Variants in SLCO3A1 observed in about 807,000 individuals in gnomAD.
SLCO3A1 encodes solute carrier organic anion transporter family member 3A1, also known as PGE1 transporter.
Under a neutral mutation model 63.1 loss-of-function variants are expected in SLCO3A1, and 27 were observed. That is an observed-to-expected ratio of 0.43 (90% CI 0.32 to 0.59). The LOEUF is 0.59. Among genes scored for constraint, SLCO3A1 ranks in the 20% least tolerant of loss-of-function variants. SLCO3A1 has a pLI of 0.09. For missense variants in SLCO3A1, 773 were observed against 945.8 expected (o/e 0.82, Z 2.40); for synonymous variants, 473 against 409.9 (o/e 1.15, Z -1.86).
intron 2 of SLCO3A1, among the ~76,000 whole-genome samples, chr15:91,929,463 G>A (rs1357456387): frequency 6.6e-6 from 1 of 152,178 alleles, no homozygotes; most frequent in African/African-American, 2.4e-5. Flanking sequence ...TGGAGCATTG[G>A]TGCAAAGTTG....
At chr15:92,144,218 G>A (rs1268063380) in intron 7 of SLCO3A1, among the ~76,000 whole-genome samples, 1 of 152,216 alleles carries the variant, frequency 6.6e-6, no homozygotes, top group Non-Finnish European at 1.5e-5. Flanking sequence ...AGATTAACAG[G>A]AGGAAAACAA....
At chr15:91,925,474 TG>T (rs1372811921) in intron 2 of SLCO3A1, among the ~76,000 whole-genome samples, 3 of 149,054 alleles carry the variant, frequency 2.0e-5, no homozygotes, top group African/African-American at 7.4e-5. Flanking sequence ...TCCAGTACCT[TG>T]TTTTTTTTTT....
At chr15:91,963,705 G>A (rs189885936) in intron 2 of SLCO3A1, among the ~76,000 whole-genome samples, 17 of 152,150 alleles carry the variant, frequency 1.1e-4, no homozygotes, top group African/African-American at 4.1e-4. Context: ...TGTGTCAGGA[G>A]TTTCTTCCTT....
rs568398230 is a variant in SLCO3A1, at chr15:91,862,558, T to C, written c.180+8470T>C. Among the ~76,000 whole-genome samples, 17 of 152,338 alleles carry C rather than the reference T, an allele frequency of 1.1e-4. No individual in the cohort carries two copies. Among genetic ancestry groups the C allele is most frequent in the African/African-American group, 4.1e-4 (17 of 41,592 alleles). On this transcript the variant is annotated intron_variant, in intron 1 of 9. Transcript: ENST00000318445. The surrounding 1 kb of genome is among the most constrained non-coding windows in gnomAD (Gnocchi z 4.0). Reference sequence around the variant, plus strand: ...GGACAACTTTTGGGTGTCTGGATAATGAACCTGTTCAGATAGGCCTTGAGA... The same window carrying C: ...GGACAACTTTTGGGTGTCTGGATAACGAACCTGTTCAGATAGGCCTTGAGA...
chr15:92,101,507 C>CA (rs1567120263), intron 3 of SLCO3A1, among the ~76,000 whole-genome samples: 2 of 150,164 alleles, frequency 1.3e-5, no homozygotes, highest in Non-Finnish European at 3.0e-5. Context: ...AGATCCACCT[C>CA]AAAAGAAAAA....
intron 2 of SLCO3A1, among the ~76,000 whole-genome samples, chr15:92,036,365 T>C (rs78609985): frequency 2.0e-5 from 3 of 151,672 alleles, no homozygotes; most frequent in East Asian, 3.9e-4. Flanking sequence ...TTTTCTTTTT[T>C]TTTTTTTTTT....
intron 1 of SLCO3A1, among the ~76,000 whole-genome samples, chr15:91,873,266 T>G (rs988055172): frequency 1.3e-5 from 2 of 152,194 alleles, no homozygotes; most frequent in African/African-American, 4.8e-5. Context: ...GTCAGTTTTC[T>G]CCTCGAAAAC....
intron 7 of SLCO3A1, among the ~76,000 whole-genome samples, chr15:92,139,254 C>T (rs377465049): frequency 5.5e-5 from 8 of 144,936 alleles, no homozygotes; most frequent in Non-Finnish European, 9.1e-5. Flanking sequence ...TTGTCTTTGG[C>T]TCTGTTTATA....
At chr15:92,092,507 G>A (rs568223256) in intron 2 of SLCO3A1, among the ~76,000 whole-genome samples, 65 of 152,148 alleles carry the variant, frequency 4.3e-4, no homozygotes, top group Admixed American at 3.5e-3. Context: ...TTGCTGAGCC[G>A]TCTCTAGAGT....
At chr15:91,958,290 A>G (rs531865588) in intron 2 of SLCO3A1, among the ~76,000 whole-genome samples, 2 of 152,264 alleles carry the variant, frequency 1.3e-5, no homozygotes, top group East Asian at 3.9e-4. Context: ...GTTGGGGTGG[A>G]GGGTGACCCT....
At chr15:91,920,564 G>T (rs1408984003) in intron 2 of SLCO3A1, among the ~76,000 whole-genome samples, 1 of 152,160 alleles carries the variant, frequency 6.6e-6, no homozygotes, top group Non-Finnish European at 1.5e-5. Flanking sequence ...AGCTGAGATG[G>T]CTGCAAATCA....
chr15:91,891,383 A>G (rs567292389), intron 1 of SLCO3A1, among the ~76,000 whole-genome samples: 2 of 152,250 alleles, frequency 1.3e-5, no homozygotes, highest in South Asian at 4.1e-4. Context: ...AAAAAGACCA[A>G]TTCTCTTACC....
chr15:92,125,868 C>T (rs191328195), intron 5 of SLCO3A1, among the ~76,000 whole-genome samples, 193 bp from the exon 6 acceptor site: 16 of 151,978 alleles, frequency 1.1e-4, no homozygotes, highest in Non-Finnish European at 1.9e-4. Context: ...GTCTGTCTCC[C>T]CCAGTTCTCC....
chr15:91,975,261 A>T (rs1410137598), intron 2 of SLCO3A1, among the ~76,000 whole-genome samples: 2 of 132,496 alleles, frequency 1.5e-5, no homozygotes, highest in Admixed American at 7.2e-5. Context: ...TGCGCATTTT[A>T]AAAAATTGAA....
chr15:92,127,940 G>A (rs776628813), intron 6 of SLCO3A1, among the ~76,000 whole-genome samples: 1 of 152,146 alleles, frequency 6.6e-6, no homozygotes, highest in African/African-American at 2.4e-5. Flanking sequence ...AGGACAGGGG[G>A]ATAAGCTGAG....
intron 2 of SLCO3A1, among the ~76,000 whole-genome samples, chr15:92,047,512 TAA>T (rs5814510): frequency 5.4e-4 from 10 of 18,476 alleles, no homozygotes; most frequent in Non-Finnish European, 6.7e-4. Flanking sequence ...TAAATATATA[TAA>T]ATACATAAAT....
chr15:92,002,921 C>T lies in SLCO3A1; in HGVS notation c.646+86463C>T, dbSNP rs979044768. Among the ~76,000 whole-genome samples the T allele has an allele frequency of 3.9e-5, 6 of 152,000 alleles. No homozygotes were observed. The South Asian group carries it at 1.0e-3, about 26-fold the overall frequency. ...GTTCTACTTAATAGCTGTATGATGCCGCCAATTAGTTCAACATCCCAAGCC... is the reference window on the plus strand; with the variant it reads ...GTTCTACTTAATAGCTGTATGATGCTGCCAATTAGTTCAACATCCCAAGCC... On this transcript the variant is annotated intron_variant, in intron 2 of 9. Coordinates refer to ENST00000318445, the MANE Select transcript of SLCO3A1 (RefSeq NM_013272.4).
intron 7 of SLCO3A1, among the ~76,000 whole-genome samples, chr15:92,139,719 C>T (rs11629555): frequency 2.6e-5 from 4 of 151,942 alleles, no homozygotes; most frequent in Non-Finnish European, 4.4e-5. Flanking sequence ...GTGTATGTGT[C>T]GAGGAATTTA....
chr15:92,011,930 C>G (rs1289027551), intron 2 of SLCO3A1, among the ~76,000 whole-genome samples: 12 of 152,248 alleles, frequency 7.9e-5, no homozygotes, highest in Admixed American at 7.8e-4. Context: ...AGCCTGGCAG[C>G]TGTCCCCAGG....
Sources: allele counts gnomAD v4.1 joint callset (sites outside exome capture counted in the v4.1 genomes callset), GRCh38; gene constraint gnomAD v4.1.1; non-coding constraint Gnocchi (gnomAD v3.1); transcripts MANE v1.5; gene names NCBI Gene and HGNC (gene_info 2026-07-23, HGNC 2026-07-21).